ADAMTS20: variants seen among roughly 807,000 people sequenced by gnomAD.
ADAMTS20 encodes the protein A disintegrin and metalloproteinase with thrombospondin motifs 20.
Under a neutral mutation model 260.1 loss-of-function variants are expected in ADAMTS20, and 225 were observed. That is an observed-to-expected ratio of 0.87 (90% CI 0.78 to 0.97). The LOEUF (loss-of-function observed/expected upper bound fraction) is 0.97. Among genes scored for constraint, ADAMTS20 ranks in the 50% least tolerant of loss-of-function variants. The pLI, the probability that ADAMTS20 is intolerant of heterozygous loss-of-function variation, is 0.00. For synonymous variants in ADAMTS20, 802 were observed against 769.5 expected (o/e 1.04, Z -0.70); for missense variants, 2,400 against 2,337.7 (o/e 1.03, Z -0.55).
At chr12:43,531,265 C>A (rs1442144783) in intron 3 of ADAMTS20, among the ~76,000 whole-genome samples, 1 of 151,864 alleles carries the variant, frequency 6.6e-6, no homozygotes, top group Non-Finnish European at 1.5e-5. Context: ...AAAGTTAAAA[C>A]CATGCAAAAT....
chr12:43,501,258 C>T (rs889580959), intron 4 of ADAMTS20, among the ~76,000 whole-genome samples: 1 of 151,662 alleles, frequency 6.6e-6, no homozygotes, highest in Admixed American at 6.6e-5. Context: ...TGATGTTTCA[C>T]TATGTTGGCT....
rs71091149 is a variant in ADAMTS20, at chr12:43,373,670, CTTTTTTTTT to C, written c.5446+1700_5446+1708del. 5.6e-5 allele frequency among the ~76,000 whole-genome samples: 4 copies of C among 71,262 alleles called. No homozygotes were observed. The Admixed American group carries it at 8.0e-4, about 14-fold the overall frequency. 46.8% of individuals were successfully genotyped at this position (71,262 alleles called of 152,430 possible). ...ACTAGATATGTTAGAAATATCATCT[CTTTTTTTTT>C]TTTTTTTTTTTTTTTTTTGAGACGG... On this transcript the variant is annotated intron_variant, in intron 36 of 38. Coordinates refer to ENST00000389420, the MANE Select transcript of ADAMTS20 (RefSeq NM_025003.5).
At chr12:43,490,291 C>CA in intron 7 of ADAMTS20, 104 bp downstream of exon 7, 1 of 604,560 alleles carries the variant, frequency 1.7e-6, no homozygotes, top group Non-Finnish European at 2.7e-6. Flanking sequence ...GATAATTAAT[C>CA]AAAATTACTA....
At chr12:43,435,184 T>C (rs1565697138) in intron 18 of ADAMTS20, among the ~76,000 whole-genome samples, 2 of 152,184 alleles carry the variant, frequency 1.3e-5, no homozygotes, top group Admixed American at 1.3e-4. Flanking sequence ...TAATTAATAA[T>C]AATGCATCAA....
At chr12:43,391,808 C>T (rs912098055) in intron 29 of ADAMTS20, among the ~76,000 whole-genome samples, 2 of 152,080 alleles carry the variant, frequency 1.3e-5, no homozygotes, top group African/African-American at 2.4e-5. Context: ...AAATTTAAAG[C>T]CCACAAAAGC....
At chr12:43,540,870 G>A (rs181029922) in intron 2 of ADAMTS20, among the ~76,000 whole-genome samples, 31 of 152,272 alleles carry the variant, frequency 2.0e-4, no homozygotes, top group African/African-American at 7.0e-4. Flanking sequence ...AGGCAGTTAA[G>A]TGACTATAAA....
At chr12:43,427,710 T>A (rs1484665329) in intron 26 of ADAMTS20, among the ~76,000 whole-genome samples, 1 of 152,216 alleles carries the variant, frequency 6.6e-6, no homozygotes, top group African/African-American at 2.4e-5. Flanking sequence ...GAAACAATTT[T>A]CATTTCTATC....
At chr12:43,480,521 G>C (rs890752874) in intron 7 of ADAMTS20, among the ~76,000 whole-genome samples, 1 of 152,050 alleles carries the variant, frequency 6.6e-6, no homozygotes, top group Non-Finnish European at 1.5e-5. Context: ...TTTCCATAAT[G>C]GCTGTAGTAA....
chr12:43,395,677 C>CTTTTTTTTTTTTTT (rs5797860), intron 29 of ADAMTS20, among the ~76,000 whole-genome samples: 2 of 90,830 alleles, frequency 2.2e-5, no homozygotes, highest in Admixed American at 1.2e-4. Flanking sequence ...GTGTGAGATT[C>CTTTTTTTTTTTTTT]TTTTTTTTTT....
At chr12:43,457,057 T>C (rs893652682) in intron 11 of ADAMTS20, among the ~76,000 whole-genome samples, 1 of 152,234 alleles carries the variant, frequency 6.6e-6, no homozygotes, top group Non-Finnish European at 1.5e-5. Flanking sequence ...GGGTTCACTA[T>C]ATTTAACAAT....
At chr12:43,453,723 GTT>G (rs61166573) in intron 12 of ADAMTS20, among the ~76,000 whole-genome samples, 182 bp downstream of exon 12, 3 of 120,742 alleles carry the variant, frequency 2.5e-5, no homozygotes, top group South Asian at 2.6e-4. Flanking sequence ...ATCTATTTAT[GTT>G]TTTTTTTTTA....
At chr12:43,395,516 G>A in intron 29 of ADAMTS20, among the ~76,000 whole-genome samples, 1 of 151,938 alleles carries the variant, frequency 6.6e-6, no homozygotes, top group South Asian at 2.1e-4. Flanking sequence ...TGGGTGGGGA[G>A]CACTGGGCAG....
rs79300657 is a variant in ADAMTS20 at position 43,538,679 on chromosome 12, A to G, written c.454-6484T>C. 2.3e-3 allele frequency among the ~76,000 whole-genome samples: 354 copies of G among 152,302 alleles called. 5 individuals carry two copies. Among genetic ancestry groups the G allele is most frequent in the East Asian group, 0.016 (83 of 5,178 alleles). ...ACATATATTTTAAATCACTATTTTA[A>G]CCGAACATTTAAAGCCATTTAAATG... On this transcript the variant is annotated intron_variant, in intron 2 of 38. Coordinates refer to ENST00000389420, the MANE Select transcript of ADAMTS20 (RefSeq NM_025003.5).
intron 37 of ADAMTS20, among the ~76,000 whole-genome samples, chr12:43,367,489 C>T (rs1437271822): frequency 6.6e-6 from 1 of 151,994 alleles, no homozygotes; most frequent in East Asian, 1.9e-4. Flanking sequence ...TTCATAATAA[C>T]ACTTAAGCTA....
In ADAMTS20 at chr12:43,550,993, G is replaced by A; in HGVS notation, c.369C>T (p.Pro123=). The A allele has an allele frequency of 6.2e-7, 1 of 1,612,426 alleles. No individual in the cohort carries two copies. The highest frequency in any genetic ancestry group is 2.2e-5 in the East Asian group (1 of 44,806). The change falls in exon 2 of 39, where the codon CCC becomes CCT. Residue 123 remains proline, a synonymous_variant. Transcript: ENST00000389420. ...ERGAWESDAG[P]SDLRHCFYRG... is the part of the protein sequence containing the mutation. ...GGTAGAAGCAGTGGCGCAGGTCCGA[G>A]GGCCCTGCGTCGCTCTCCCAGGCCC... is the stretch of plus-strand genomic sequence containing the variant.
rs572517120 is a variant in ADAMTS20 at position 43,493,290 on chromosome 12, A to C, written c.868-37T>G. The C allele has an allele frequency of 1.7e-5, 24 of 1,394,164 alleles. No homozygotes were observed. The South Asian group carries it at 2.6e-4, about 15-fold the overall frequency. The allele number at this position is 1,394,164 out of a possible 1,614,324, so 86.4% of individuals were successfully genotyped here. A position where few individuals can be genotyped will look rare whatever the true frequency, so the allele number is the denominator to read the frequency against. ...AAAAATGTAGGATTAGTTGTTTAAAATGAATATTTCTTCTCAAAAGTAAGT... is the reference window on the plus strand; with the variant it reads ...AAAAATGTAGGATTAGTTGTTTAAACTGAATATTTCTTCTCAAAAGTAAGT... On this transcript the variant is annotated intron_variant, in intron 4 of 38. Coordinates refer to ENST00000389420, the MANE Select transcript of ADAMTS20 (RefSeq NM_025003.5).
chr12:43,454,471 A>G (rs1296096756), intron 11 of ADAMTS20, among the ~76,000 whole-genome samples: 1 of 152,184 alleles, frequency 6.6e-6, no homozygotes, highest in Admixed American at 6.5e-5. Context: ...TCAAATGACA[A>G]CCTTGTTCCT....
At chr12:43,443,680 T>C in intron 16 of ADAMTS20, 111 bp downstream of exon 16, 1 of 802,620 alleles carries the variant, frequency 1.2e-6, no homozygotes, top group South Asian at 1.6e-5. Context: ...TGAAATGAAA[T>C]TGCATGCTTG....
In ADAMTS20 at chr12:43,376,426, A is replaced by G. The variant is rs893558500; in HGVS notation, c.5126-96T>C. The G allele has an allele frequency of 3.3e-5, 48 of 1,455,484 alleles. No homozygotes were observed. In the African/African-American group the frequency reaches 6.2e-4, roughly 19 times the overall value. The allele number at this position is 1,455,484 out of a possible 1,614,324, so 90.2% of individuals were successfully genotyped here. Reference sequence around the variant, plus strand: ...TATTGCTACACTCTGAATATCTGACACTTTGTTTTGTGGAGTGTGAAACTA... The same window carrying G: ...TATTGCTACACTCTGAATATCTGACGCTTTGTTTTGTGGAGTGTGAAACTA... On this transcript the variant is annotated intron_variant, in intron 33 of 38. Coordinates refer to ENST00000389420, the MANE Select transcript of ADAMTS20 (RefSeq NM_025003.5).
Sources: allele counts gnomAD v4.1 joint callset (sites outside exome capture counted in the v4.1 genomes callset), GRCh38; gene constraint gnomAD v4.1.1; transcripts MANE v1.5; gene names NCBI Gene and HGNC (gene_info 2026-07-23, HGNC 2026-07-21).